Variants in BRAF observed in about 807,000 individuals in gnomAD.
BRAF encodes B-Raf proto-oncogene, serine/threonine kinase.
Under a neutral mutation model 104.6 loss-of-function variants are expected in BRAF, and 16 were observed. The ratio of observed to expected loss-of-function variants is 0.15; its 90% CI spans 0.10 to 0.23. The LOEUF (loss-of-function observed/expected upper bound fraction) is 0.23. Among genes scored for constraint, BRAF ranks in the 10% least tolerant of loss-of-function variants. The pLI is 1.00. For synonymous variants in BRAF, 310 were observed against 341.6 expected (o/e 0.91, Z 1.02); for missense variants, 541 against 937.3 (o/e 0.58, Z 5.52).
At position 140,898,739 on chromosome 7, in the gene BRAF, TATC is replaced by T. The variant is rs201507592; in HGVS notation, c.138+25824_138+25826del. On this transcript the variant is annotated intron_variant, in intron 1 of 19. Transcript: ENST00000644969. ...TGAGGTAGTCACTATCACTCACTTT[TATC>T]ATCATTATTCCCTTGATTTTTCTTA... is the stretch of plus-strand genomic sequence containing the variant. Among the ~76,000 whole-genome samples, 39 of 152,352 alleles carry T rather than the reference TATC, an allele frequency of 2.6e-4. 1 individual carries two copies. The East Asian group carries it at 6.9e-3, about 27-fold the overall frequency.
chr7:140,725,996 C>A lies in BRAF; in HGVS notation c.*498G>T. On this transcript the variant is annotated 3_prime_UTR_variant, in exon 20 of 20. Coordinates refer to ENST00000644969, the MANE Select transcript of BRAF (RefSeq NM_001374258.1). ...GGCAAGCTGCATTTTTGTTCCATCC[C>A]TCAGAAACTAACTGGTGGTCACTAG... 9.4e-7 allele frequency: 1 copy of A among 1,068,276 alleles called. No individual in the cohort carries two copies. Among genetic ancestry groups the A allele is most frequent in the Non-Finnish European group, 1.1e-6 (1 of 881,424 alleles). The allele number at this position is 1,068,276 out of a possible 1,614,324, so 66.2% of individuals were successfully genotyped here.
chr7:140,781,733 G>C lies in BRAF; in HGVS notation c.1435-40C>G, dbSNP rs749632861. 2.0e-6 allele frequency: 3 copies of C among 1,518,074 alleles called. No individual in the cohort carries two copies. In the Admixed American group the frequency reaches 5.0e-5, roughly 25 times the overall value. 94.0% of individuals were successfully genotyped at this position (1,518,074 alleles called of 1,614,324 possible). Reference sequence around the variant, plus strand: ...TAAAAAAGTCAAGTCAAGCCAAACAGAAAAAGAAAACCTTATGTTTCACCC... The same window carrying C: ...TAAAAAAGTCAAGTCAAGCCAAACACAAAAAGAAAACCTTATGTTTCACCC... On this transcript the variant is annotated intron_variant, in intron 11 of 19. Coordinates refer to ENST00000644969, the MANE Select transcript of BRAF (RefSeq NM_001374258.1).
intron 12 of BRAF, among the ~76,000 whole-genome samples, chr7:140,779,077 T>C (rs1053253824): frequency 6.6e-6 from 1 of 152,136 alleles, no homozygotes; most frequent in Admixed American, 6.5e-5. Context: ...ACAATATAGA[T>C]GAATCTTATA....
intron 7 of BRAF, among the ~76,000 whole-genome samples, chr7:140,798,262 C>CTTTCTTTTTCT (rs1554402846): frequency 1.2e-4 from 4 of 32,610 alleles, no homozygotes; most frequent in African/African-American, 7.4e-4. Flanking sequence ...TGTATGGGGA[C>CTTTCTTTTTCT]TTTTTTTTTC....
intron 8 of BRAF, among the ~76,000 whole-genome samples, chr7:140,788,434 C>G (rs1801616270): frequency 6.6e-6 from 1 of 151,774 alleles, no homozygotes. Flanking sequence ...TATGCAGCTA[C>G]CAAAATAATT....
At chr7:140,734,478 G>A in intron 19 of BRAF, 3 of 1,593,662 alleles carry the variant, frequency 1.9e-6, no homozygotes, top group South Asian at 1.1e-5. Context: ...CCACACAAGT[G>A]TTCTTTGGTT....
intron 1 of BRAF, 96 bp from the exon 2 acceptor site, chr7:140,850,308 G>T: frequency 1.1e-6 from 1 of 951,782 alleles, no homozygotes; most frequent in African/African-American, 1.7e-5. Flanking sequence ...AACTGCCAGT[G>T]TTCCTCAAAT....
intron 1 of BRAF, among the ~76,000 whole-genome samples, chr7:140,877,788 A>C (rs1324655685): frequency 2.6e-5 from 4 of 152,142 alleles, no homozygotes; most frequent in Non-Finnish European, 5.9e-5. Flanking sequence ...AAGAAAAACA[A>C]AACTCTCACA....
Position 140,721,724 on chromosome 7 carries a change from G to C in BRAF, c.*4770C>G. ...AAGGATGTGCTGGAGACAATACATG[G>C]ACTTTCTCTTTCAATGGTGAGGAAT... On this transcript the variant is annotated 3_prime_UTR_variant, in exon 20 of 20. Transcript: ENST00000644969. 1 of 1,518,542 alleles carries C rather than the reference G, an allele frequency of 6.6e-7. No individual in the cohort carries two copies. The highest frequency in any genetic ancestry group is 8.8e-7 in the Non-Finnish European group (1 of 1,139,970). 94.1% of individuals were successfully genotyped at this position (1,518,542 alleles called of 1,614,324 possible).
At chr7:140,918,818 G>T (rs1221764782) in intron 1 of BRAF, among the ~76,000 whole-genome samples, 1 of 152,188 alleles carries the variant, frequency 6.6e-6, no homozygotes, top group Non-Finnish European at 1.5e-5. Flanking sequence ...GACAAAAACA[G>T]TTTCACATAT....
At chr7:140,867,176 T>G (rs1811059579) in intron 1 of BRAF, among the ~76,000 whole-genome samples, 1 of 151,936 alleles carries the variant, frequency 6.6e-6, no homozygotes, top group Admixed American at 6.6e-5. Context: ...TACCCCTATT[T>G]TACAGATGAG....
chr7:140,917,393 T>C (rs1351469351), intron 1 of BRAF, among the ~76,000 whole-genome samples: 1 of 152,198 alleles, frequency 6.6e-6, no homozygotes, highest in South Asian at 2.1e-4. Context: ...ACTCCATTTA[T>C]ATGACTTTCT....
At chr7:140,890,541 G>T (rs1156282581) in intron 1 of BRAF, among the ~76,000 whole-genome samples, 1 of 151,888 alleles carries the variant, frequency 6.6e-6, no homozygotes, top group African/African-American at 2.4e-5. Context: ...GTTCTTCAAT[G>T]ATTTAGTAAC....
chr7:140,751,815 T>TA (rs982478122), intron 16 of BRAF, among the ~76,000 whole-genome samples: 1 of 152,226 alleles, frequency 6.6e-6, no homozygotes, highest in Non-Finnish European at 1.5e-5. Flanking sequence ...GACTGCTACA[T>TA]AAAGTTTGTG....
rs1294607288 is a variant in BRAF at position 140,765,652 on chromosome 7, C to CACTT, written c.1814+11256_1814+11259dup. 7.6e-3 allele frequency among the ~76,000 whole-genome samples: 1,155 copies of CACTT among 152,146 alleles called. 18 individuals are homozygous for CACTT. Among genetic ancestry groups the CACTT allele is most frequent in the African/African-American group, 0.026 (1,091 of 41,454 alleles). On this transcript the variant is annotated intron_variant, in intron 14 of 19. Coordinates refer to ENST00000644969, the MANE Select transcript of BRAF (RefSeq NM_001374258.1). Reference sequence around the variant, plus strand: ...AAAGTGGGCAAAGGACATGAACAGACACTTCTCAAAAGAAGACATTTATGC... The same window carrying CACTT: ...AAAGTGGGCAAAGGACATGAACAGACACTTACTTCTCAAAAGAAGACATTTATGC...
intron 3 of BRAF, among the ~76,000 whole-genome samples, chr7:140,816,563 G>A (rs1391225541): frequency 1.3e-5 from 2 of 151,982 alleles, no homozygotes; most frequent in Non-Finnish European, 2.9e-5. Context: ...AGTCAGTATT[G>A]CCCTATCTTT....
intron 3 of BRAF, among the ~76,000 whole-genome samples, chr7:140,827,046 T>C (rs1586309563): frequency 6.6e-6 from 1 of 152,176 alleles, no homozygotes; most frequent in Non-Finnish European, 1.5e-5. Context: ...AATTGTCTAA[T>C]TGTTTCCTCA....
chr7:140,790,000 G>A (rs1801790003), intron 8 of BRAF, among the ~76,000 whole-genome samples: 1 of 152,218 alleles, frequency 6.6e-6, no homozygotes, highest in Admixed American at 6.5e-5. Flanking sequence ...AAAGTGCTGG[G>A]ATTACAGGTG....
intron 1 of BRAF, among the ~76,000 whole-genome samples, chr7:140,906,968 A>G (rs1409942657): frequency 6.6e-6 from 1 of 152,208 alleles, no homozygotes; most frequent in Non-Finnish European, 1.5e-5. Flanking sequence ...TTGGATCTAT[A>G]AAATTTTCAG....
Sources: gnomAD v4.1 joint callset for allele counts (sites outside exome capture counted in the v4.1 genomes callset) on GRCh38, gnomAD v4.1.1 for gene constraint, MANE v1.5 for transcripts, NCBI Gene and HGNC (gene_info 2026-07-23, HGNC 2026-07-21) for gene names.